Variants in LRMDA observed in about 807,000 individuals in gnomAD.
LRMDA encodes the protein leucine-rich melanocyte differentiation-associated protein.
A neutral mutation model predicts 29.8 loss-of-function variants in LRMDA; 18 were observed. The ratio of observed to expected loss-of-function variants is 0.60; its 90% confidence interval spans 0.42 to 0.90. The LOEUF (loss-of-function observed/expected upper bound fraction) is 0.90. Among genes scored for constraint, LRMDA ranks in the 40% least tolerant of loss-of-function variants. The probability of loss-of-function intolerance (pLI) is 0.00; values close to 1 mark genes in which losing one functional copy is unlikely to be tolerated. For synonymous variants in LRMDA, 125 were observed against 109.4 expected (o/e 1.14, Z -0.89); for missense variants, 273 against 273.9 (o/e 1.00, Z 0.02).
intron 2 of LRMDA, among the ~76,000 whole-genome samples, chr10:75,955,806 A>C (rs1480361646): frequency 1.3e-5 from 2 of 152,140 alleles, no homozygotes; most frequent in African/African-American, 4.8e-5. Flanking sequence ...TGAGTTATGC[A>C]TGGGAGAAAA....
chr10:76,377,658 T>C (rs61860570), intron 6 of LRMDA, among the ~76,000 whole-genome samples: 38,794 of 152,180 alleles, frequency 0.25, 5,931 homozygotes, highest in Non-Finnish European at 0.36. Context: ...GTATATGTTT[T>C]GTCAACTTTG....
At chr10:76,219,997 C>A (rs188699227) in intron 5 of LRMDA, among the ~76,000 whole-genome samples, 3 of 152,336 alleles carry the variant, frequency 2.0e-5, no homozygotes, top group African/African-American at 7.2e-5. Context: ...GGAAACTGAA[C>A]AACCTGCTCC....
chr10:76,409,543 C>T (rs370222710), intron 6 of LRMDA, among the ~76,000 whole-genome samples: 40 of 152,240 alleles, frequency 2.6e-4, no homozygotes, highest in African/African-American at 9.4e-4. Flanking sequence ...ATTGCTAACC[C>T]GTTCACTTTA....
At chr10:76,391,855 A>T (rs1181079749) in intron 6 of LRMDA, among the ~76,000 whole-genome samples, 2 of 152,164 alleles carry the variant, frequency 1.3e-5, no homozygotes, top group Admixed American at 1.3e-4. Flanking sequence ...GCCTTATTTA[A>T]GGTAACTGTT....
chr10:75,776,981 AGGAGGGGGCATTGCCCATGAG>A (rs1465783404), intron 2 of LRMDA, among the ~76,000 whole-genome samples: 2 of 152,228 alleles, frequency 1.3e-5, no homozygotes, highest in Non-Finnish European at 2.9e-5. Context: ...TTAAGGAGCG[AGGAGGGGGCATTGCCCATGAG>A]GGCTGCAGAG....
At chr10:76,302,589 T>A (rs1193452575) in intron 5 of LRMDA, among the ~76,000 whole-genome samples, 2 of 152,164 alleles carry the variant, frequency 1.3e-5, no homozygotes, top group Non-Finnish European at 2.9e-5. Context: ...GAGTGGATAC[T>A]CTTGTTTCTT....
Position 76,366,865 on chromosome 10 carries a change from T to C in LRMDA, c.601+42380T>C, listed in dbSNP as rs117417260. Among the ~76,000 whole-genome samples the C allele has an allele frequency of 4.9e-3, 739 of 152,326 alleles. 47 individuals are homozygous for C. In the East Asian group the frequency reaches 0.13, roughly 26 times the overall value. On this transcript the variant is annotated intron_variant, in intron 6 of 6. Coordinates refer to ENST00000611255, the MANE Select transcript of LRMDA (RefSeq NM_001305581.2). The stretch of plus-strand genomic sequence containing the variant: ...AGGGAATGCTTTCAACTTTTCCTTA[T>C]TCAGTATTATGTTGGCTGTCAGTTT...
At chr10:75,556,122 T>C (rs1401870219) in intron 2 of LRMDA, among the ~76,000 whole-genome samples, 2 of 151,932 alleles carry the variant, frequency 1.3e-5, no homozygotes, top group Non-Finnish European at 2.9e-5. Flanking sequence ...GCTGAAAATA[T>C]CCCAAATTTG....
At chr10:76,219,680 C>A (rs1291102677) in intron 5 of LRMDA, among the ~76,000 whole-genome samples, 1 of 152,150 alleles carries the variant, frequency 6.6e-6, no homozygotes, top group Non-Finnish European at 1.5e-5. Context: ...GACTTTAACA[C>A]CCCACTGTCA....
intron 2 of LRMDA, among the ~76,000 whole-genome samples, chr10:75,919,888 G>C (rs1247692853): frequency 6.6e-6 from 1 of 152,082 alleles, no homozygotes; most frequent in Admixed American, 6.5e-5. Flanking sequence ...CGTCCGAGTA[G>C]GCAGCATTTT....
chr10:76,107,280 GT>G (rs1849502644), intron 5 of LRMDA, among the ~76,000 whole-genome samples: 1 of 152,184 alleles, frequency 6.6e-6, no homozygotes, highest in African/African-American at 2.4e-5. Flanking sequence ...CACCCCTAAA[GT>G]TTGGGATTTA....
At chr10:76,365,069 T>TACACACACAC (rs1343341956) in intron 6 of LRMDA, among the ~76,000 whole-genome samples, 49 of 53,962 alleles carry the variant, frequency 9.1e-4, no homozygotes, top group Non-Finnish European at 1.4e-3. Context: ...ATCGTATATA[T>TACACACACAC]ATACACACAC....
intron 2 of LRMDA, among the ~76,000 whole-genome samples, chr10:75,827,206 A>G (rs955107748): frequency 6.6e-6 from 1 of 152,120 alleles, no homozygotes; most frequent in Non-Finnish European, 1.5e-5. Flanking sequence ...AAAAGTCTTG[A>G]TTGTGCAGCA....
intron 6 of LRMDA, among the ~76,000 whole-genome samples, chr10:76,400,260 G>A (rs1841834620): frequency 6.6e-6 from 1 of 152,122 alleles, no homozygotes; most frequent in African/African-American, 2.4e-5. Flanking sequence ...ACAATCTTTT[G>A]AGCTTGGAAG....
intron 2 of LRMDA, among the ~76,000 whole-genome samples, chr10:75,952,890 G>A (rs930842238): frequency 5.9e-5 from 9 of 152,052 alleles, no homozygotes; most frequent in Admixed American, 2.0e-4. Flanking sequence ...AAGTAGCTGG[G>A]ATTACAGGTG....
chr10:75,478,211 T>G (rs1233431476), intron 2 of LRMDA, among the ~76,000 whole-genome samples: 1 of 152,196 alleles, frequency 6.6e-6, no homozygotes, highest in African/African-American at 2.4e-5. Flanking sequence ...TTGCTCCAAG[T>G]CAGGTGGAGA....
At chr10:76,324,080 G>T (rs1043276689) in intron 5 of LRMDA, among the ~76,000 whole-genome samples, 1 of 152,140 alleles carries the variant, frequency 6.6e-6, no homozygotes, top group African/African-American at 2.4e-5. Flanking sequence ...CTGGGTGAAG[G>T]CCTGATAGAA....
chr10:75,750,638 GAT>G (rs1348533171), intron 2 of LRMDA, among the ~76,000 whole-genome samples: 2 of 145,978 alleles, frequency 1.4e-5, no homozygotes, highest in East Asian at 2.1e-4. Flanking sequence ...CATCCCAGAT[GAT>G]GGGCAGCCGG....
intron 2 of LRMDA, among the ~76,000 whole-genome samples, chr10:76,018,439 G>A (rs548941151): frequency 1.6e-3 from 247 of 152,276 alleles, no homozygotes; most frequent in Admixed American, 3.0e-3. Context: ...ATCTCTGGGG[G>A]ATTTTGCAGT....
Sources: allele counts gnomAD v4.1 joint callset (sites outside exome capture counted in the v4.1 genomes callset), GRCh38; gene constraint gnomAD v4.1.1; transcripts MANE v1.5; gene names NCBI Gene and HGNC (gene_info 2026-07-23, HGNC 2026-07-21).